The following LRRC4C variants were observed in gnomAD, a reference collection of about 807,000 sequenced individuals.
LRRC4C encodes leucine-rich repeat-containing protein 4C.
In LRRC4C, 5 loss-of-function variants were observed where a neutral mutation model predicts 33.6. The observed-to-expected ratio is 0.15, with a 90% CI of 0.08 to 0.31. The LOEUF is 0.31. Ranked by LOEUF, LRRC4C falls within the 10% of genes least tolerant of loss-of-function variation. The pLI, the probability that LRRC4C is intolerant of heterozygous loss-of-function variation, is 1.00. For synonymous variants in LRRC4C, 329 were observed against 302.0 expected, an observed-to-expected ratio of 1.09 and a Z score of -0.93; for missense variants, 560 against 796.7, an observed-to-expected ratio of 0.70 and a Z score of 3.58.
chr11:41,021,498 T>A (rs1855982795), intron 1 of LRRC4C, among the ~76,000 whole-genome samples: 1 of 152,110 alleles, frequency 6.6e-6, no homozygotes, highest in African/African-American at 2.4e-5. Context: ...TGCAAGATTT[T>A]AATGCCATTT....
chr11:40,752,795 G>T (rs79088442), intron 2 of LRRC4C, among the ~76,000 whole-genome samples: 1 of 152,048 alleles, frequency 6.6e-6, no homozygotes, highest in South Asian at 2.1e-4. Flanking sequence ...AAAATAAGTC[G>T]GTATGTTAAA....
chr11:40,339,787 A>G (rs1277543786), intron 3 of LRRC4C, among the ~76,000 whole-genome samples: 10 of 152,184 alleles, frequency 6.6e-5, no homozygotes, highest in Admixed American at 6.5e-4. Flanking sequence ...GACCTTATCA[A>G]TTGTAATAAT....
intron 4 of LRRC4C, among the ~76,000 whole-genome samples, chr11:40,313,598 T>C (rs1361376725): frequency 1.2e-5 from 1 of 85,492 alleles, no homozygotes; most frequent in Admixed American, 1.8e-4. Context: ...GAGGGGAAAT[T>C]CTTTTTTTTT....
chr11:40,931,609 T>C (rs2136467266), intron 2 of LRRC4C, among the ~76,000 whole-genome samples: 1 of 152,218 alleles, frequency 6.6e-6, no homozygotes, highest in Non-Finnish European at 1.5e-5. Context: ...AGGCATTTAA[T>C]GCATAAGTTT....
chr11:40,585,873 T>C (rs1189199593), intron 3 of LRRC4C, among the ~76,000 whole-genome samples: 1 of 135,918 alleles, frequency 7.4e-6, no homozygotes, highest in Non-Finnish European at 1.6e-5. Context: ...AGTCTATCAT[T>C]GTTGGACATT....
chr11:41,276,785 G>A (rs1949498161), intron 1 of LRRC4C, among the ~76,000 whole-genome samples: 1 of 152,096 alleles, frequency 6.6e-6, no homozygotes, highest in African/African-American at 2.4e-5. Context: ...AAAGAGAGAG[G>A]CAGGAGAGGG....
At chr11:40,544,707 G>T (rs976987121) in intron 3 of LRRC4C, among the ~76,000 whole-genome samples, 5 of 151,988 alleles carry the variant, frequency 3.3e-5, no homozygotes, top group African/African-American at 7.2e-5. Flanking sequence ...AGATATATTT[G>T]TTTTCACACT....
At chr11:41,174,631 A>C (rs914821365) in intron 1 of LRRC4C, among the ~76,000 whole-genome samples, 3 of 152,098 alleles carry the variant, frequency 2.0e-5, no homozygotes, top group Non-Finnish European at 4.4e-5. Flanking sequence ...CCAGTTAACC[A>C]GCATCATCCT....
intron 3 of LRRC4C, among the ~76,000 whole-genome samples, chr11:40,467,439 CA>C (rs1565417969): frequency 6.6e-6 from 1 of 151,962 alleles, no homozygotes; most frequent in Non-Finnish European, 1.5e-5. Context: ...ATGTAATTAA[CA>C]AATGGAAAGT....
At chr11:40,557,832 C>G (rs1177616677) in intron 3 of LRRC4C, among the ~76,000 whole-genome samples, 1 of 152,140 alleles carries the variant, frequency 6.6e-6, no homozygotes, top group Non-Finnish European at 1.5e-5. Flanking sequence ...TGCTATTCTA[C>G]TGCCACATAT....
intron 2 of LRRC4C, among the ~76,000 whole-genome samples, chr11:40,733,061 GTTTTTTTTTTTTTTTT>G (rs544471413): frequency 1.2e-4 from 7 of 57,640 alleles, no homozygotes; most frequent in Non-Finnish European, 1.8e-4. Context: ...TATGAATATA[GTTTTTTTTTTTTTTTT>G]TTTTTTTTTT....
At chr11:41,231,494 T>C (rs1947792174) in intron 1 of LRRC4C, among the ~76,000 whole-genome samples, 1 of 151,124 alleles carries the variant, frequency 6.6e-6, no homozygotes, top group Non-Finnish European at 1.5e-5. Context: ...GAAACCATCA[T>C]TCTCAGCAAA....
chr11:41,188,393 T>C (rs1945790159), intron 1 of LRRC4C, among the ~76,000 whole-genome samples: 1 of 152,104 alleles, frequency 6.6e-6, no homozygotes, highest in African/African-American at 2.4e-5. Context: ...AAAAGCAGCA[T>C]AGCGTAACAA....
intron 2 of LRRC4C, among the ~76,000 whole-genome samples, chr11:40,903,229 G>T (rs1291924762): frequency 6.6e-6 from 1 of 152,088 alleles, no homozygotes; most frequent in Non-Finnish European, 1.5e-5. Flanking sequence ...TCTATAAATG[G>T]AACAACAAAG....
intron 3 of LRRC4C, among the ~76,000 whole-genome samples, chr11:40,423,217 A>G (rs1230100730): frequency 6.6e-6 from 1 of 152,164 alleles, no homozygotes; most frequent in East Asian, 1.9e-4. Flanking sequence ...ACACAGATTA[A>G]ACTTAAATGT....
chr11:41,040,909 T>C (rs1484632304), intron 1 of LRRC4C, among the ~76,000 whole-genome samples: 1 of 152,202 alleles, frequency 6.6e-6, no homozygotes, highest in Non-Finnish European at 1.5e-5. Context: ...CTTGATTTTT[T>C]AAAGTGAGCA....
At chr11:41,141,242 C>T (rs941808638) in intron 1 of LRRC4C, among the ~76,000 whole-genome samples, 6 of 152,094 alleles carry the variant, frequency 3.9e-5, no homozygotes, top group East Asian at 3.9e-4. Flanking sequence ...TCCCAGTCTC[C>T]GAATCACCAC....
At chr11:41,047,239 A>G (rs1227973659) in intron 1 of LRRC4C, among the ~76,000 whole-genome samples, 2 of 152,308 alleles carry the variant, frequency 1.3e-5, no homozygotes, top group African/African-American at 4.8e-5. Context: ...TTGAATAAGC[A>G]TATAAAAAGA....
At chr11:40,679,456 G>A (rs1009328912) in intron 2 of LRRC4C, among the ~76,000 whole-genome samples, 3 of 152,158 alleles carry the variant, frequency 2.0e-5, no homozygotes, top group African/African-American at 4.8e-5. Flanking sequence ...AGAGACCTTT[G>A]CAGCAGCCCC....
Sources: allele counts gnomAD v4.1 joint callset (sites outside exome capture counted in the v4.1 genomes callset), GRCh38; gene constraint gnomAD v4.1.1; transcripts MANE v1.5; gene names NCBI Gene and HGNC (gene_info 2026-07-23, HGNC 2026-07-21).